Variants in RUNDC3B observed in about 807,000 individuals in gnomAD.
RUNDC3B encodes the protein RUN domain-containing protein 3B.
In RUNDC3B, 33 loss-of-function variants were observed where a neutral mutation model predicts 58.4. That is an observed-to-expected ratio of 0.56 (90% CI 0.43 to 0.75). The LOEUF (loss-of-function observed/expected upper bound fraction) is 0.75, where lower values mean the gene tolerates loss of function less well. Ranked by LOEUF, RUNDC3B falls within the 30% of genes least tolerant of loss-of-function variation. RUNDC3B has a pLI of 0.00. For synonymous variants in RUNDC3B, 193 were observed against 195.2 expected, an observed-to-expected ratio of 0.99 and a Z score of 0.10; for missense variants, 501 against 535.7, an observed-to-expected ratio of 0.94 and a Z score of 0.64.
rs28746480 is a variant in RUNDC3B at position 87,714,812 on chromosome 7, G to A, written c.458+4157G>A. ...CGTTTATAGGCTCTCCACAAGGGTC[G>A]CATTCCATTCCTAGAGCTATGAACA... On this transcript the variant is annotated intron_variant, in intron 4 of 10. Transcript: ENST00000394654. Among the ~76,000 whole-genome samples, 633 of 151,968 alleles carry A rather than the reference G, an allele frequency of 4.2e-3. 5 individuals carry two copies. The highest frequency in any genetic ancestry group is 6.1e-3 in the Admixed American group (93 of 15,254).
intron 3 of RUNDC3B, chr7:87,709,451 T>G (rs1383204210): frequency 1.0e-6 from 1 of 985,306 alleles, no homozygotes; most frequent in African/African-American, 1.7e-5. Flanking sequence ...CCCCTAGGCT[T>G]ACTCAGAAGG....
At chr7:87,695,133 T>A (rs1267037403) in intron 2 of RUNDC3B, among the ~76,000 whole-genome samples, 3 of 152,152 alleles carry the variant, frequency 2.0e-5, no homozygotes, top group Non-Finnish European at 1.5e-5. Flanking sequence ...TTCCTCAGAT[T>A]CAATTTAAAG....
intron 7 of RUNDC3B, among the ~76,000 whole-genome samples, chr7:87,772,766 T>C (rs1563199781): frequency 6.6e-6 from 1 of 150,832 alleles, no homozygotes; most frequent in East Asian, 2.0e-4. Flanking sequence ...ACCAGAAGAG[T>C]CAACACCACC....
At chr7:87,714,599 T>G (rs1459484173) in intron 4 of RUNDC3B, among the ~76,000 whole-genome samples, 3 of 152,012 alleles carry the variant, frequency 2.0e-5, no homozygotes, top group African/African-American at 7.3e-5. Flanking sequence ...GCAGTAACAG[T>G]TGCAACAAAA....
At chr7:87,753,233 G>C (rs1288529501) in intron 6 of RUNDC3B, among the ~76,000 whole-genome samples, 37 of 151,130 alleles carry the variant, frequency 2.4e-4, no homozygotes, top group African/African-American at 9.0e-4. Flanking sequence ...ACTGTGGTCT[G>C]AGAGATAGTT....
At position 87,829,064 on chromosome 7, in the gene RUNDC3B, G is replaced by A. The variant is rs905581445; in HGVS notation, c.1226-821G>A. 3.0e-4 allele frequency among the ~76,000 whole-genome samples: 46 copies of A among 152,220 alleles called. 1 individual carries two copies. Among genetic ancestry groups the A allele is most frequent in the Middle Eastern group, 6.8e-3 (2 of 294 alleles). On this transcript the variant is annotated intron_variant, in intron 10 of 10. Coordinates refer to ENST00000394654, the MANE Select transcript of RUNDC3B (RefSeq NM_001134405.2). ...TTGTGGTTTTGATTTGCGTTTCTCT[G>A]ATGATTACTGATGATGAGCATATAT...
chr7:87,655,569 A>G (rs1305935489), intron 2 of RUNDC3B, among the ~76,000 whole-genome samples: 1 of 152,170 alleles, frequency 6.6e-6, no homozygotes, highest in Admixed American at 6.6e-5. Flanking sequence ...TGCTGGAAGG[A>G]GAGGGATCAG....
intron 6 of RUNDC3B, among the ~76,000 whole-genome samples, chr7:87,759,900 T>C (rs1833581348): frequency 1.3e-5 from 2 of 151,934 alleles, no homozygotes; most frequent in Non-Finnish European, 2.9e-5. Flanking sequence ...CATAAATATA[T>C]ACCCCACCTG....
At chr7:87,824,384 C>T (rs912446366) in intron 10 of RUNDC3B, among the ~76,000 whole-genome samples, 2 of 152,182 alleles carry the variant, frequency 1.3e-5, no homozygotes, top group Non-Finnish European at 2.9e-5. Context: ...TCTTGTCTGC[C>T]ACCATGTGAG....
At chr7:87,708,851 C>T (rs1029323046) in intron 3 of RUNDC3B, among the ~76,000 whole-genome samples, 3 of 152,128 alleles carry the variant, frequency 2.0e-5, no homozygotes, top group Non-Finnish European at 4.4e-5. Flanking sequence ...GATTACTTAT[C>T]TTCTTAATGT....
chr7:87,689,261 TTGA>T (rs1455084328), intron 2 of RUNDC3B, among the ~76,000 whole-genome samples: 1 of 152,066 alleles, frequency 6.6e-6, no homozygotes, highest in African/African-American at 2.4e-5. Context: ...CTAACAGAAA[TTGA>T]TGATCTCTGA....
At chr7:87,828,818 T>C (rs551388721) in intron 10 of RUNDC3B, among the ~76,000 whole-genome samples, 1 of 152,322 alleles carries the variant, frequency 6.6e-6, no homozygotes, top group East Asian at 1.9e-4. Flanking sequence ...CCACAATGGC[T>C]GAACTAATTT....
intron 8 of RUNDC3B, among the ~76,000 whole-genome samples, chr7:87,784,463 T>C (rs1835098779): frequency 6.6e-6 from 1 of 152,024 alleles, no homozygotes; most frequent in Admixed American, 6.6e-5. Context: ...TTGGCTTTGT[T>C]TTTGTGTCTT....
intron 8 of RUNDC3B, among the ~76,000 whole-genome samples, chr7:87,789,561 A>G (rs984355823): frequency 2.0e-5 from 3 of 152,184 alleles, no homozygotes; most frequent in Admixed American, 6.5e-5. Context: ...TCATCTGGTC[A>G]TGTATACATT....
In RUNDC3B at chr7:87,672,744, A is replaced by C. The variant is rs548143426; in HGVS notation, c.238+21807A>C. Among the ~76,000 whole-genome samples the C allele has an allele frequency of 3.3e-5, 5 of 152,260 alleles. No homozygotes were observed. The South Asian group carries it at 8.3e-4, about 25-fold the overall frequency. ...CCTGACCCAAGGTTTGCAAAGATTC[A>C]TGGGAGAAGTGTGGTTTCCTGAGGT... On this transcript the variant is annotated intron_variant, in intron 2 of 10. Transcript: ENST00000394654.
intron 8 of RUNDC3B, among the ~76,000 whole-genome samples, chr7:87,801,950 AT>A (rs1836186273): frequency 6.6e-6 from 1 of 152,128 alleles, no homozygotes; most frequent in Middle Eastern, 3.2e-3. Flanking sequence ...TTTTTGCTGA[AT>A]TTTTTTCAAA....
chr7:87,646,119 G>A (rs1822972866), intron 1 of RUNDC3B, among the ~76,000 whole-genome samples: 1 of 152,132 alleles, frequency 6.6e-6, no homozygotes, highest in Non-Finnish European at 1.5e-5. Context: ...AAGTAATTTA[G>A]TGCTCTGATA....
intron 6 of RUNDC3B, among the ~76,000 whole-genome samples, chr7:87,743,127 A>G (rs1045653191): frequency 5.3e-5 from 8 of 151,124 alleles, no homozygotes; most frequent in Middle Eastern, 3.2e-3. Flanking sequence ...AAAAAAAAAA[A>G]GGGAACTAAG....
chr7:87,703,885 CTTTTTTTTTTTTT>C, intron 3 of RUNDC3B, among the ~76,000 whole-genome samples: 2 of 60,282 alleles, frequency 3.3e-5, no homozygotes, highest in Non-Finnish European at 6.3e-5. Flanking sequence ...TCAGTTTTTT[CTTTTTTTTTTTTT>C]TTTTTTTTTT....
Sources: allele counts gnomAD v4.1 joint callset (sites outside exome capture counted in the v4.1 genomes callset), GRCh38; gene constraint gnomAD v4.1.1; transcripts MANE v1.5; gene names NCBI Gene and HGNC (gene_info 2026-07-23, HGNC 2026-07-21).